The following SVOPL variants were observed in gnomAD, a reference collection of about 807,000 sequenced individuals.
SVOPL encodes the protein SVOP like.
SVOPL carries 60 observed loss-of-function variants against 61.0 expected under a neutral mutation model. The observed-to-expected ratio is 0.98, with a 90% CI of 0.80 to 1.22. The LOEUF is 1.22. Among genes scored for constraint, SVOPL ranks in the 50% most tolerant of loss-of-function variants. The pLI, the probability that SVOPL is intolerant of heterozygous loss-of-function variation, is 0.00. For synonymous variants in SVOPL, 279 were observed against 250.0 expected (o/e 1.12, Z -1.09); for missense variants, 662 against 643.9 (o/e 1.03, Z -0.30).
intron 6 of SVOPL, 114 bp downstream of exon 6, chr7:138,659,750 G>A: frequency 9.4e-7 from 1 of 1,061,474 alleles, no homozygotes; most frequent in South Asian, 1.7e-5. Context: ...ACTGAAACCT[G>A]TCTCAGATAT....
At chr7:138,699,328 C>A (rs960157050) in intron 1 of SVOPL, among the ~76,000 whole-genome samples, 1 of 152,044 alleles carries the variant, frequency 6.6e-6, no homozygotes, top group Admixed American at 6.6e-5. Context: ...ATAATAAAAA[C>A]AAAAATAAAG....
intron 8 of SVOPL, chr7:138,645,972 C>T (rs148601514): frequency 0.013 from 2,053 of 159,042 alleles, 28 homozygotes; most frequent in South Asian, 0.061. Context: ...CGCACCACCA[C>T]GCCTGGCTAA....
chr7:138,674,712 T>C (rs1039058432), intron 3 of SVOPL, among the ~76,000 whole-genome samples: 3 of 151,892 alleles, frequency 2.0e-5, no homozygotes, highest in South Asian at 4.2e-4. Context: ...AAAAATTAGC[T>C]GGGCGTGGTG....
At chr7:138,622,036 A>G (rs1799628651) in intron 13 of SVOPL, among the ~76,000 whole-genome samples, 1 of 142,544 alleles carries the variant, frequency 7.0e-6, no homozygotes, top group African/African-American at 2.6e-5. Flanking sequence ...CTATCTATCT[A>G]TGTATCTATC....
intron 1 of SVOPL, 111 bp from the exon 2 acceptor site, chr7:138,679,190 A>C: frequency 1.6e-5 from 11 of 678,296 alleles, no homozygotes; most frequent in East Asian, 5.9e-5. Flanking sequence ...CAAAAATCGA[A>C]TGAGGTATGT....
At chr7:138,691,433 G>C (rs1338182078) in intron 1 of SVOPL, among the ~76,000 whole-genome samples, 1 of 152,166 alleles carries the variant, frequency 6.6e-6, no homozygotes. Flanking sequence ...ACATTTTAGA[G>C]GGGCACTAAA....
At chr7:138,661,946 A>T in intron 5 of SVOPL, 1 of 985,346 alleles carries the variant, frequency 1.0e-6, no homozygotes, top group Non-Finnish European at 1.2e-6. Context: ...TTACCCCCAC[A>T]ATTACCAATA....
chr7:138,683,568 C>T (rs138979679), intron 1 of SVOPL, among the ~76,000 whole-genome samples: 2 of 152,042 alleles, frequency 1.3e-5, no homozygotes, highest in African/African-American at 4.8e-5. Context: ...TACGTTTCTC[C>T]ATGTTGGCCA....
chr7:138,634,650 A>G (rs752724845), intron 9 of SVOPL, among the ~76,000 whole-genome samples: 2 of 151,716 alleles, frequency 1.3e-5, no homozygotes, highest in African/African-American at 2.4e-5. Context: ...CCTGTCTTTT[A>G]AAAAATCAAG....
intron 1 of SVOPL, chr7:138,689,361 C>T (rs960910887): frequency 3.0e-5 from 47 of 1,587,202 alleles, no homozygotes; most frequent in African/African-American, 1.2e-4. Flanking sequence ...GATGCGCCGC[C>T]GGATCGACAG....
intron 14 of SVOPL, among the ~76,000 whole-genome samples, chr7:138,616,840 G>A (rs886780759): frequency 2.0e-5 from 3 of 152,188 alleles, no homozygotes; most frequent in Non-Finnish European, 4.4e-5. Flanking sequence ...AGGCTAGAGT[G>A]CAGTGGTGCA....
intron 4 of SVOPL, among the ~76,000 whole-genome samples, chr7:138,670,946 G>A (rs149310431): frequency 6.6e-6 from 1 of 152,232 alleles, no homozygotes; most frequent in Admixed American, 6.5e-5. Context: ...ATTTTGCAAA[G>A]CTCTATGATA....
chr7:138,621,270 G>C (rs1246700248), intron 13 of SVOPL, 135 bp from the exon 14 acceptor site: 18 of 580,958 alleles, frequency 3.1e-5, no homozygotes, highest in Non-Finnish European at 4.5e-5. Context: ...TGGAATAGAA[G>C]GTGTTGATTT....
At chr7:138,689,147 G>C (rs1452305860) in intron 1 of SVOPL, 1 of 911,050 alleles carries the variant, frequency 1.1e-6, no homozygotes, top group East Asian at 2.4e-5. Flanking sequence ...TACAGAAATA[G>C]TGCGTACCAT....
At chr7:138,603,084 T>C (rs1798599525) in intron 14 of SVOPL, among the ~76,000 whole-genome samples, 1 of 152,132 alleles carries the variant, frequency 6.6e-6, no homozygotes, top group Non-Finnish European at 1.5e-5. Flanking sequence ...CAAATATGAC[T>C]GGAACACACA....
At chr7:138,611,115 G>A (rs573556963) in intron 14 of SVOPL, among the ~76,000 whole-genome samples, 8 of 152,292 alleles carry the variant, frequency 5.3e-5, no homozygotes, top group Middle Eastern at 3.4e-3. Context: ...AGTGGCTCAC[G>A]CCTGTAATCC....
In SVOPL at chr7:138,639,183, A is replaced by G. The variant is rs145033333; in HGVS notation, c.789+5534T>C. Among the ~76,000 whole-genome samples, 1,056 of 152,152 alleles carry G rather than the reference A, an allele frequency of 6.9e-3. 14 individuals are homozygous for G. The highest frequency in any genetic ancestry group is 0.024 in the African/African-American group (997 of 41,504). ...GGCAGGAGAATTGCTTGAACCTAGG[A>G]GGCGAAGGTTGCAGTGAGCTGAGAT... is the stretch of plus-strand genomic sequence containing the variant. On this transcript the variant is annotated intron_variant, in intron 9 of 15. Transcript: ENST00000674285.
chr7:138,597,169 C>G, intron 14 of SVOPL: 1 of 1,288,390 alleles, frequency 7.8e-7, no homozygotes, highest in Non-Finnish European at 1.0e-6. Context: ...TTTAGTTTCT[C>G]TTGGTCTGTG....
At chr7:138,667,087 A>T (rs1438848739) in intron 4 of SVOPL, among the ~76,000 whole-genome samples, 1 of 152,212 alleles carries the variant, frequency 6.6e-6, no homozygotes, top group Non-Finnish European at 1.5e-5. Flanking sequence ...CAAAGTTAAT[A>T]AGAGGAGTTT....
Sources: gnomAD v4.1 joint callset for allele counts (sites outside exome capture counted in the v4.1 genomes callset) on GRCh38, gnomAD v4.1.1 for gene constraint, MANE v1.5 for transcripts, NCBI Gene and HGNC (gene_info 2026-07-23, HGNC 2026-07-21) for gene names.